DPP9: variants seen among roughly 807,000 people sequenced by gnomAD.
The protein encoded by DPP9 is dipeptidyl peptidase 9.
Under a neutral mutation model 110.7 loss-of-function variants are expected in DPP9, and 50 were observed. The observed-to-expected ratio is 0.45, with a 90% CI of 0.36 to 0.57. DPP9 has a LOEUF of 0.57. Among genes scored for constraint, DPP9 ranks in the 20% least tolerant of loss-of-function variants. DPP9 has a pLI of 0.00. For missense variants in DPP9, 1,022 were observed against 1,217.9 expected (o/e 0.84, Z 2.39); for synonymous variants, 561 against 514.4 (o/e 1.09, Z -1.23).
intron 2 of DPP9, among the ~76,000 whole-genome samples, chr19:4,721,626 C>T (rs2093326800): frequency 1.3e-5 from 2 of 152,172 alleles, no homozygotes; most frequent in Admixed American, 1.3e-4. Context: ...ACTAAAAATA[C>T]AAAAATTAGC....
intron 3 of DPP9, among the ~76,000 whole-genome samples, chr19:4,714,717 C>G (rs1039588948): frequency 1.3e-5 from 2 of 151,948 alleles, no homozygotes; most frequent in African/African-American, 4.8e-5. Flanking sequence ...AAACCACCTC[C>G]CACCAGGATG....
intron 4 of DPP9, 150 bp downstream of exon 4, chr19:4,713,931 C>T: frequency 7.8e-7 from 1 of 1,278,856 alleles, no homozygotes; most frequent in Non-Finnish European, 1.0e-6. Context: ...TCAGAGCTGT[C>T]TGTGGCTGAG....
chr19:4,681,530 T>C (rs2089876795), intron 20 of DPP9, among the ~76,000 whole-genome samples: 1 of 152,038 alleles, frequency 6.6e-6, no homozygotes, highest in African/African-American at 2.4e-5. Context: ...TTGGCTAGGC[T>C]GGTCTTGAAC....
rs377140871 is a variant in DPP9 at position 4,703,933 on chromosome 19, G to C, written c.722C>G (p.Ala241Gly). The C allele has an allele frequency of 3.7e-6, 6 of 1,613,192 alleles. No individual in the cohort carries two copies. The highest frequency in any genetic ancestry group is 5.1e-6 in the Non-Finnish European group (6 of 1,179,594). ...SFINNSDLWV[A>G]NIETGEERRL... ...CCGCTCCTCGCCTGTCTCGATGTTG[G>C]CCACCCACAGGTCGCTGTTATTGAT... Residue 241 changes from alanine to glycine, a missense_variant, in exon 7 of 22, where the codon GCC becomes GGC. Coordinates refer to ENST00000262960, the MANE Select transcript of DPP9 (RefSeq NM_139159.5).
At chr19:4,683,177 C>T in intron 19 of DPP9, 1 of 1,437,016 alleles carries the variant, frequency 7.0e-7, no homozygotes, top group Non-Finnish European at 9.1e-7. Flanking sequence ...CCGCTCTGCA[C>T]ACCATGCCCC....
At chr19:4,701,911 G>T in intron 9 of DPP9, 116 bp downstream of exon 9, 1 of 1,427,318 alleles carries the variant, frequency 7.0e-7, no homozygotes, top group Non-Finnish European at 9.5e-7. Flanking sequence ...CACCCCCATA[G>T]ATGCCCAGAG....
chr19:4,713,316 C>T (rs1417955695), intron 4 of DPP9, among the ~76,000 whole-genome samples: 1 of 152,248 alleles, frequency 6.6e-6, no homozygotes, highest in Non-Finnish European at 1.5e-5. Flanking sequence ...GTGCAGTGGG[C>T]ACCATCCGAA....
intron 4 of DPP9, among the ~76,000 whole-genome samples, chr19:4,712,433 C>T (rs1261177974): frequency 2.6e-5 from 4 of 152,064 alleles, no homozygotes; most frequent in Admixed American, 2.6e-4. Flanking sequence ...GCCTATAGTC[C>T]CAGCTACCTG....
rs754211567 is a variant in DPP9, at chr19:4,704,128, C to T, written c.600+3G>A. On this transcript the variant is annotated splice_donor_region_variant and intron_variant, in intron 6 of 21. Transcript: ENST00000262960. This position sits in a 1 kb window ranked among gnomAD's most constrained non-coding sequence, Gnocchi z 6.0. Reference sequence around the variant, plus strand: ...CCCGCACACAGCCAGGGCCAGGGCTCACCATGAAGCCGTTCTTGCCGCCGT... The same window carrying T: ...CCCGCACACAGCCAGGGCCAGGGCTTACCATGAAGCCGTTCTTGCCGCCGT... 1.9e-6 allele frequency: 3 copies of T among 1,613,938 alleles called. No homozygotes were observed. Among genetic ancestry groups the T allele is most frequent in the Non-Finnish European group, 2.5e-6 (3 of 1,179,880 alleles).
Position 4,676,279 on chromosome 19 carries a change from G to C in DPP9, c.*285C>G. ...CTTCTGGCCTCTCCAGTGCCCATCAGCGTGTGACCTCCTCCTCCCAGAAGG... is the reference window on the plus strand; with the variant it reads ...CTTCTGGCCTCTCCAGTGCCCATCACCGTGTGACCTCCTCCTCCCAGAAGG... On this transcript the variant is annotated 3_prime_UTR_variant, in exon 22 of 22. Coordinates refer to ENST00000262960, the MANE Select transcript of DPP9 (RefSeq NM_139159.5). This position sits in a 1 kb window ranked among gnomAD's most constrained non-coding sequence, Gnocchi z 4.0. 2.1e-6 allele frequency: 1 copy of C among 476,544 alleles called. No individual in the cohort carries two copies. Among genetic ancestry groups the C allele is most frequent in the East Asian group, 4.0e-5 (1 of 24,830 alleles). 29.5% of individuals were successfully genotyped at this position (476,544 alleles called of 1,614,324 possible).
chr19:4,700,021 C>T lies in DPP9; in HGVS notation c.1074+195G>A, dbSNP rs575960885. Reference sequence around the variant, plus strand: ...ACTCTGTGAGGCAGGGAGGCCAGCTCGCCACGCCGCATTCTAGGCACAGGT... The same window carrying T: ...ACTCTGTGAGGCAGGGAGGCCAGCTTGCCACGCCGCATTCTAGGCACAGGT... On this transcript the variant is annotated intron_variant, in intron 10 of 21. Transcript: ENST00000262960. This position sits in a 1 kb window ranked among gnomAD's most constrained non-coding sequence, Gnocchi z 4.3. 6.6e-5 allele frequency among the ~76,000 whole-genome samples: 10 copies of T among 152,166 alleles called. No homozygotes were observed. Among genetic ancestry groups the T allele is most frequent in the Non-Finnish European group, 1.2e-4 (8 of 68,030 alleles).
At chr19:4,701,869 G>T (rs1337746118) in intron 9 of DPP9, among the ~76,000 whole-genome samples, 158 bp downstream of exon 9, 1 of 152,182 alleles carries the variant, frequency 6.6e-6, no homozygotes, top group Non-Finnish European at 1.5e-5. Flanking sequence ...GGAGAAAGGG[G>T]CGGCCCCTGC....
chr19:4,685,645 A>G lies in DPP9; in HGVS notation c.2012T>C (p.Phe671Ser), dbSNP rs2090595544. 6.2e-7 allele frequency: 1 copy of G among 1,609,508 alleles called. No homozygotes were observed. Among genetic ancestry groups the G allele is most frequent in the African/African-American group, 1.3e-5 (1 of 74,858 alleles). Residue 671 changes from phenylalanine to serine, a missense_variant, in exon 17 of 22, where the codon TTT becomes TCT. Coordinates refer to ENST00000262960, the MANE Select transcript of DPP9 (RefSeq NM_139159.5). The surrounding 1 kb of genome is among the most constrained non-coding windows in gnomAD (Gnocchi z 5.8). ...ACTCACCTGGGGGCCTCCATATACA[A>G]AGAGGACGGTGGGGTGCTTCTTCCC... ...QPGKKHPTVL[F>S]VYGGPQVQLV...
At chr19:4,679,694 G>T in intron 21 of DPP9, 141 bp downstream of exon 21, 1 of 660,506 alleles carries the variant, frequency 1.5e-6, no homozygotes, top group Non-Finnish European at 2.7e-6. Context: ...GGGACACAGG[G>T]CTGTGGGGTG....
chr19:4,704,201 C>G lies in DPP9; in HGVS notation c.530G>C (p.Ser177Thr). The change falls in exon 6 of 22, where the codon AGT becomes ACT. Residue 177 changes from serine to threonine, a missense_variant. Coordinates refer to ENST00000262960, the MANE Select transcript of DPP9 (RefSeq NM_139159.5). This position sits in a 1 kb window ranked among gnomAD's most constrained non-coding sequence, Gnocchi z 6.0. Reference sequence around the variant, plus strand: ...GCTGGCCTGGAAGAGGAAGAGGCCACTCTCGCTGTGGAAGTCGTAGGAGGT... The same window carrying G: ...GCTGGCCTGGAAGAGGAAGAGGCCAGTCTCGCTGTGGAAGTCGTAGGAGGT... Reference protein sequence around the residue: ...GITSYDFHSESGLFLFQASNS... With the variant: ...GITSYDFHSETGLFLFQASNS... 6.2e-7 allele frequency: 1 copy of G among 1,614,030 alleles called. No individual in the cohort carries two copies. Among genetic ancestry groups the G allele is most frequent in the Non-Finnish European group, 8.5e-7 (1 of 1,179,894 alleles).
rs1027464775 is a variant in DPP9, at chr19:4,688,780, C to A, written c.1862G>T (p.Trp621Leu). The part of the protein sequence containing the change: ...DDPLHKQPRF[W>L]ASMMEAASCP... Reference sequence around the variant, plus strand: ...ACTGGCTGCCTCCATCATGCTAGCCCAGAAGCGGGGCTGCTTGTGCAGGGG... The same window carrying A: ...ACTGGCTGCCTCCATCATGCTAGCCAAGAAGCGGGGCTGCTTGTGCAGGGG... The change falls in exon 16 of 22, where the codon TGG becomes TTG. Residue 621 changes from tryptophan to leucine, a missense_variant. Transcript: ENST00000262960. The A allele has an allele frequency of 1.4e-5, 20 of 1,463,970 alleles. No individual in the cohort carries two copies. Among genetic ancestry groups the A allele is most frequent in the Non-Finnish European group, 1.8e-5 (20 of 1,113,450 alleles). 90.7% of individuals were successfully genotyped at this position (1,463,970 alleles called of 1,614,324 possible).
At chr19:4,702,243 C>T in intron 8 of DPP9, 88 bp from the exon 9 acceptor site, 2 of 1,483,008 alleles carry the variant, frequency 1.3e-6, no homozygotes, top group Non-Finnish European at 1.8e-6. Context: ...GCACCGGGGC[C>T]TGAAGATGGG....
In DPP9 at chr19:4,694,741, C is replaced by A; in HGVS notation, c.1436G>T (p.Gly479Val). ...GGTGACTTTGTACAAATGGCAGAAGCCGGTCTTGCATTCATTGGCGCGGAG... is the reference window on the plus strand; with the variant it reads ...GGTGACTTTGTACAAATGGCAGAAGACGGTCTTGCATTCATTGGCGCGGAG... The part of the protein sequence containing the change: ...CFLRANECKT[G>V]FCHLYKVTAV... Residue 479 changes from glycine to valine, a missense_variant, in exon 13 of 22, where the codon GGC (glycine) becomes GTC (valine). Coordinates refer to ENST00000262960, the MANE Select transcript of DPP9 (RefSeq NM_139159.5). The surrounding 1 kb of genome is among the most constrained non-coding windows in gnomAD (Gnocchi z 4.0). The A allele has an allele frequency of 1.2e-6, 2 of 1,613,816 alleles. No homozygotes were observed. The highest frequency in any genetic ancestry group is 1.7e-6 in the Non-Finnish European group (2 of 1,179,832).
intron 19 of DPP9, 21 bp downstream of exon 19, chr19:4,683,456 C>T: frequency 6.2e-7 from 1 of 1,612,106 alleles, no homozygotes. Flanking sequence ...GTGGCTGAGG[C>T]CGGCCAGGGG....
Sources: allele counts gnomAD v4.1 joint callset (sites outside exome capture counted in the v4.1 genomes callset), GRCh38; gene constraint gnomAD v4.1.1; non-coding constraint Gnocchi (gnomAD v3.1); transcripts MANE v1.5; gene names NCBI Gene and HGNC (gene_info 2026-07-23, HGNC 2026-07-21).